PDE11A: variants seen among roughly 807,000 people sequenced by gnomAD.
PDE11A encodes dual 3',5'-cyclic-AMP and -GMP phosphodiesterase 11A.
A neutral mutation model predicts 100.5 loss-of-function variants in PDE11A; 100 were observed. The observed-to-expected ratio is 1.00, with a 90% CI of 0.85 to 1.18. The LOEUF is 1.18. Among genes scored for constraint, PDE11A ranks in the 50% most tolerant of loss-of-function variants. The probability of loss-of-function intolerance (pLI) is 0.00; values close to 1 mark genes in which losing one functional copy is unlikely to be tolerated. For missense variants in PDE11A, 1,141 were observed against 1,152.6 expected (o/e 0.99, Z 0.15); for synonymous variants, 381 against 420.8 (o/e 0.91, Z 1.16).
chr2:177,846,039 G>C (rs1009695344), intron 5 of PDE11A, among the ~76,000 whole-genome samples: 3 of 146,188 alleles, frequency 2.1e-5, no homozygotes, highest in African/African-American at 7.8e-5. Flanking sequence ...ACCGTGGGGA[G>C]AGGGAGAGGG....
In PDE11A at chr2:177,625,352, T is replaced by C. The variant is rs955317301; in HGVS notation, c.*4055A>G. 1 of 152,606 alleles carries C rather than the reference T, an allele frequency of 6.6e-6. No individual in the cohort carries two copies. The highest frequency in any genetic ancestry group is 2.4e-5 in the African/African-American group (1 of 41,434). 9.5% of individuals were successfully genotyped at this position (152,606 alleles called of 1,614,324 possible). On this transcript the variant is annotated 3_prime_UTR_variant, in exon 20 of 20. Transcript: ENST00000286063. ...AAAGTCAGTGCTTTTATGTAATAGA[T>C]GGAGATTCTAAGACTTGGAGAGTCC...
At chr2:178,087,125 AG>A (rs2087367005) in intron 2 of PDE11A, among the ~76,000 whole-genome samples, 2 of 152,110 alleles carry the variant, frequency 1.3e-5, no homozygotes, top group Admixed American at 1.3e-4. Flanking sequence ...TCACAAGATC[AG>A]GAGTTCGAAA....
rs991503323 is a variant in PDE11A, at chr2:177,877,028, G to A, written c.1303-1105C>T. ...ATAGGGGAGACGGACGGGGGATGTAGGCAATTTTGAGGGGTAGAAAAAAAT... is the reference window on the plus strand; with the variant it reads ...ATAGGGGAGACGGACGGGGGATGTAAGCAATTTTGAGGGGTAGAAAAAAAT... On this transcript the variant is annotated intron_variant, in intron 4 of 19. Transcript: ENST00000286063. Among the ~76,000 whole-genome samples, 20 of 147,750 alleles carry A rather than the reference G, an allele frequency of 1.4e-4. 1 individual carries two copies. The highest frequency in any genetic ancestry group is 1.0e-4 in the Non-Finnish European group (7 of 67,214).
intron 10 of PDE11A, among the ~76,000 whole-genome samples, chr2:177,756,691 C>A (rs1215206034): frequency 6.6e-6 from 1 of 152,190 alleles, no homozygotes; most frequent in Non-Finnish European, 1.5e-5. Flanking sequence ...TCACTCAGCA[C>A]AGGAATTGTT....
chr2:178,014,124 C>G (rs2086304711), intron 2 of PDE11A, among the ~76,000 whole-genome samples, 178 bp downstream of exon 2: 1 of 152,128 alleles, frequency 6.6e-6, no homozygotes. Flanking sequence ...TTCAATTTTA[C>G]CACATTCTAT....
intron 10 of PDE11A, among the ~76,000 whole-genome samples, chr2:177,768,467 A>G (rs1424619292): frequency 6.6e-6 from 1 of 152,238 alleles, no homozygotes; most frequent in African/African-American, 2.4e-5. Flanking sequence ...TCACTGTGGT[A>G]GCTTTTCCTG....
intron 19 of PDE11A, among the ~76,000 whole-genome samples, chr2:177,633,869 A>T (rs558952353): frequency 5.5e-4 from 84 of 152,084 alleles, no homozygotes; most frequent in African/African-American, 1.9e-3. Flanking sequence ...TCCAGAACTT[A>T]TTTTTTTTAA....
intron 9 of PDE11A, among the ~76,000 whole-genome samples, chr2:177,799,358 C>T (rs2082752164): frequency 6.6e-6 from 1 of 152,066 alleles, no homozygotes; most frequent in Non-Finnish European, 1.5e-5. Flanking sequence ...TTAATTATAA[C>T]AAATGTACCA....
chr2:177,939,199 T>C (rs2085314175), intron 2 of PDE11A, among the ~76,000 whole-genome samples: 1 of 152,116 alleles, frequency 6.6e-6, no homozygotes, highest in African/African-American at 2.4e-5. Context: ...AGGCTAAACA[T>C]TGTTTATCAA....
At chr2:177,972,783 G>C (rs956488667) in intron 2 of PDE11A, among the ~76,000 whole-genome samples, 3 of 152,166 alleles carry the variant, frequency 2.0e-5, no homozygotes, top group Non-Finnish European at 2.9e-5. Context: ...TTACAGGTAA[G>C]GCTCCTACCA....
At chr2:177,911,980 G>A (rs1414356510) in intron 2 of PDE11A, among the ~76,000 whole-genome samples, 3 of 152,062 alleles carry the variant, frequency 2.0e-5, no homozygotes, top group Non-Finnish European at 2.9e-5. Flanking sequence ...ATAGGGTGGG[G>A]GACTTCATTC....
intron 2 of PDE11A, among the ~76,000 whole-genome samples, chr2:177,950,269 T>A (rs1042133641): frequency 6.6e-6 from 1 of 152,162 alleles, no homozygotes; most frequent in African/African-American, 2.4e-5. Flanking sequence ...CTCAATTTGC[T>A]AGAGTTCCCC....
chr2:177,654,050 GA>G (rs1275755700), intron 19 of PDE11A, among the ~76,000 whole-genome samples: 1 of 151,606 alleles, frequency 6.6e-6, no homozygotes, highest in African/African-American at 2.4e-5. Context: ...ATCTTTCTTT[GA>G]AAAAAAGAAA....
chr2:177,719,036 G>C (rs547777197), intron 12 of PDE11A, among the ~76,000 whole-genome samples: 1 of 152,298 alleles, frequency 6.6e-6, no homozygotes, highest in South Asian at 2.1e-4. Context: ...GTTTTCTAAA[G>C]AGAAGCTGTC....
intron 9 of PDE11A, among the ~76,000 whole-genome samples, chr2:177,781,135 G>T (rs781146356): frequency 4.6e-5 from 7 of 152,152 alleles, no homozygotes; most frequent in Admixed American, 4.6e-4. Flanking sequence ...TCATTGTAGG[G>T]TTATTACTTG....
At chr2:177,702,370 A>T (rs10168641) in intron 13 of PDE11A, 14,754 of 151,760 alleles carry the variant, frequency 0.097, 2,363 homozygotes, top group African/African-American at 0.33. Context: ...AAGAAATGGG[A>T]GTTAGAGCAT....
intron 1 of PDE11A, among the ~76,000 whole-genome samples, chr2:178,046,210 G>T (rs1028680594): frequency 1.6e-4 from 24 of 152,098 alleles, no homozygotes; most frequent in African/African-American, 3.9e-4. Flanking sequence ...TAATTTTTTT[G>T]GGGGGGTTGG....
intron 1 of PDE11A, among the ~76,000 whole-genome samples, chr2:178,033,083 G>C (rs1325538820): frequency 6.6e-6 from 1 of 152,130 alleles, no homozygotes; most frequent in Non-Finnish European, 1.5e-5. Context: ...TCAGAAAGTG[G>C]GTAATAACAA....
chr2:178,074,758 T>C (rs1242105405), upstream of PDE11A, among the ~76,000 whole-genome samples: 1 of 152,034 alleles, frequency 6.6e-6, no homozygotes, highest in Non-Finnish European at 1.5e-5. Context: ...GGGAAAGCAA[T>C]AGAAGAGAAA....
Sources: gnomAD v4.1 joint callset for allele counts (sites outside exome capture counted in the v4.1 genomes callset) on GRCh38, gnomAD v4.1.1 for gene constraint, MANE v1.5 for transcripts, NCBI Gene and HGNC (gene_info 2026-07-23, HGNC 2026-07-21) for gene names.